SRGAP1: variants seen among roughly 807,000 people sequenced by gnomAD.
SRGAP1 encodes the protein SLIT-ROBO Rho GTPase activating protein 1.
In SRGAP1, 43 loss-of-function variants were observed where a neutral mutation model predicts 121.9. The ratio of observed to expected loss-of-function variants is 0.35; its 90% CI spans 0.28 to 0.46. The LOEUF (loss-of-function observed/expected upper bound fraction) is 0.46, where lower values mean the gene tolerates loss of function less well. Ranked by LOEUF, SRGAP1 falls within the 20% of genes least tolerant of loss-of-function variation. The probability of loss-of-function intolerance (pLI) is 1.00; values close to 1 mark genes in which losing one functional copy is unlikely to be tolerated. For synonymous variants in SRGAP1, 447 were observed against 485.4 expected, an observed-to-expected ratio of 0.92 and a Z score of 1.04; for missense variants, 1,102 against 1,350.9, an observed-to-expected ratio of 0.82 and a Z score of 2.89.
chr12:64,111,907 C>T lies in SRGAP1; in HGVS notation c.2065C>T (p.His689Tyr), dbSNP rs769288257. The stretch of plus-strand genomic sequence containing the variant: ...TGAAATTATCAAAACCATCATCATC[C>T]ACCATGAGACTATTTTCCCAGATGC... ...VNEIIKTIIIHHETIFPDAKE... is the reference protein window; with the variant it reads ...VNEIIKTIIIYHETIFPDAKE... Residue 689 changes from histidine to tyrosine, a missense_variant, in exon 17 of 22, where the codon CAC (histidine) becomes TAC (tyrosine). Physicochemically the swap from His to Tyr is moderately conservative, Grantham distance 83. Coordinates refer to ENST00000355086, the MANE Select transcript of SRGAP1 (RefSeq NM_020762.4). 5 of 1,613,908 alleles carry T rather than the reference C, an allele frequency of 3.1e-6. No homozygotes were observed. The highest frequency in any genetic ancestry group is 2.2e-5 in the South Asian group (2 of 91,070).
chr12:63,872,546 A>G (rs1899889611), intron 1 of SRGAP1, among the ~76,000 whole-genome samples: 1 of 152,062 alleles, frequency 6.6e-6, no homozygotes, highest in African/African-American at 2.4e-5. Context: ...ATGTACTGTG[A>G]CTCCATTATA....
intron 3 of SRGAP1, among the ~76,000 whole-genome samples, chr12:63,997,110 A>C (rs1259113824): frequency 6.6e-6 from 1 of 152,096 alleles, no homozygotes; most frequent in Non-Finnish European, 1.5e-5. Context: ...TGAATTCTGA[A>C]GGCAACTGTA....
chr12:64,043,692 A>G, intron 6 of SRGAP1, 117 bp downstream of exon 6: 1 of 743,118 alleles, frequency 1.3e-6, no homozygotes. Flanking sequence ...AATACTCAAA[A>G]AGAAAAAAAT....
rs1445673716 is a variant in SRGAP1, at chr12:64,145,970, C to T, written c.*3298C>T. ...CCACTGACACAAGAATATGTATTCT[C>T]AGCTGATATAACTGTGTGTTCACAT... On this transcript the variant is annotated 3_prime_UTR_variant, in exon 22 of 22. Coordinates refer to ENST00000355086, the MANE Select transcript of SRGAP1 (RefSeq NM_020762.4). 2 of 152,150 alleles carry T rather than the reference C, an allele frequency of 1.3e-5. No individual in the cohort carries two copies. Among genetic ancestry groups the T allele is most frequent in the Non-Finnish European group, 2.9e-5 (2 of 68,042 alleles). 9.4% of individuals were successfully genotyped at this position (152,150 alleles called of 1,614,324 possible). A position where few individuals can be genotyped will look rare whatever the true frequency, so the allele number is the denominator to read the frequency against.
At chr12:63,949,211 T>A (rs1014064095) in intron 1 of SRGAP1, among the ~76,000 whole-genome samples, 8 of 123,062 alleles carry the variant, frequency 6.5e-5, no homozygotes, top group South Asian at 2.7e-4. Context: ...ATATATATAT[T>A]TTTTCCATAT....
At chr12:64,121,106 T>C (rs2036599936) in intron 18 of SRGAP1, among the ~76,000 whole-genome samples, 1 of 150,426 alleles carries the variant, frequency 6.6e-6, no homozygotes, top group Non-Finnish European at 1.5e-5. Flanking sequence ...CTCAACCTCC[T>C]GGGGCCAAGT....
Position 63,990,088 on chromosome 12 carries a change from C to G in SRGAP1, c.426+16C>G, listed in dbSNP as rs1234902688. ...GTTTAAAAAGGTACACTCCATAAAT[C>G]CTGCCATAGTGTGCTTTCCAATAAC... On this transcript the variant is annotated intron_variant, in intron 3 of 21. Coordinates refer to ENST00000355086, the MANE Select transcript of SRGAP1 (RefSeq NM_020762.4). 6.3e-7 allele frequency: 1 copy of G among 1,581,846 alleles called. No individual in the cohort carries two copies. The highest frequency in any genetic ancestry group is 2.2e-5 in the East Asian group (1 of 44,556).
At chr12:63,883,555 C>T (rs7968348) in intron 1 of SRGAP1, among the ~76,000 whole-genome samples, 196 of 152,214 alleles carry the variant, frequency 1.3e-3, no homozygotes, top group African/African-American at 4.3e-3. Flanking sequence ...CCTCTGGTAC[C>T]GGAATATGTC....
intron 1 of SRGAP1, among the ~76,000 whole-genome samples, chr12:63,867,118 T>G (rs1899665103): frequency 1.3e-5 from 2 of 152,238 alleles, no homozygotes; most frequent in South Asian, 4.1e-4. Context: ...TCCAAAGTTC[T>G]GGGATTACAA....
At chr12:63,956,423 G>A (rs2032471609) in intron 1 of SRGAP1, among the ~76,000 whole-genome samples, 1 of 152,164 alleles carries the variant, frequency 6.6e-6, no homozygotes, top group Non-Finnish European at 1.5e-5. Context: ...TCTGTCAGAT[G>A]CATATTTTCA....
intron 3 of SRGAP1, among the ~76,000 whole-genome samples, chr12:63,990,379 G>A (rs1298564337): frequency 6.6e-6 from 1 of 151,954 alleles, no homozygotes; most frequent in East Asian, 1.9e-4. Context: ...TAAAAACACA[G>A]AAATTAGCTG....
chr12:63,869,325 G>A (rs1389148146), intron 1 of SRGAP1, among the ~76,000 whole-genome samples: 2 of 152,132 alleles, frequency 1.3e-5, no homozygotes, highest in Admixed American at 1.3e-4. Context: ...AACAATAATG[G>A]CATTAATTCA....
At position 64,097,244 on chromosome 12, in the gene SRGAP1, A is replaced by C. The variant is rs754513644; in HGVS notation, c.1682A>C (p.Glu561Ala). 1 of 1,569,164 alleles carries C rather than the reference A, an allele frequency of 6.4e-7. No homozygotes were observed. The highest frequency in any genetic ancestry group is 1.4e-5 in the African/African-American group (1 of 71,370). ...NDIKNSFERG[E>A]NPLADDQSNH... ...TGAGTTTTTTTTTTTTTTTTAGGTG[A>C]AAATCCTTTGGCTGATGACCAGAGT... Residue 561 changes from glutamate to alanine, a missense_variant, in exon 15 of 22, where the codon GAA (glutamate) becomes GCA (alanine). Glu to Ala is a moderately radical substitution (Grantham distance 107). This residue lies in a region of SRGAP1 where 747 missense variants were observed against 929.4 expected (regional missense o/e 0.80). Coordinates refer to ENST00000355086, the MANE Select transcript of SRGAP1 (RefSeq NM_020762.4).
chr12:64,071,414 T>C (rs911174721), intron 8 of SRGAP1, among the ~76,000 whole-genome samples: 2 of 152,238 alleles, frequency 1.3e-5, no homozygotes, highest in East Asian at 1.9e-4. Flanking sequence ...GTTCATTCAG[T>C]GAACTTTTTC....
At chr12:63,920,313 AAT>A (rs1466011565) in intron 1 of SRGAP1, among the ~76,000 whole-genome samples, 2 of 152,162 alleles carry the variant, frequency 1.3e-5, no homozygotes, top group African/African-American at 4.8e-5. Context: ...CCAAACCATG[AAT>A]GACTGATGGG....
intron 1 of SRGAP1, among the ~76,000 whole-genome samples, chr12:63,873,778 C>T (rs925717093): frequency 4.0e-5 from 6 of 150,798 alleles, no homozygotes; most frequent in Non-Finnish European, 8.9e-5. Context: ...AAGTGATTCT[C>T]CTGCCTTAGC....
At chr12:63,965,840 T>C (rs547323554) in intron 1 of SRGAP1, among the ~76,000 whole-genome samples, 9 of 152,138 alleles carry the variant, frequency 5.9e-5, no homozygotes, top group Non-Finnish European at 1.2e-4. Flanking sequence ...TTGTTTGAGA[T>C]GGAGTTTCAC....
In SRGAP1 at chr12:64,144,510, A is replaced by G. The variant is rs1418230519; in HGVS notation, c.*1838A>G. On this transcript the variant is annotated 3_prime_UTR_variant, in exon 22 of 22. Transcript: ENST00000355086. ...CAGGAAGAGATTAAATTGATGAGAT[A>G]TTGTTACTTTCAGAGTCACACTGCT... 3 of 152,178 alleles carry G rather than the reference A, an allele frequency of 2.0e-5. No individual in the cohort carries two copies. The highest frequency in any genetic ancestry group is 2.9e-5 in the Non-Finnish European group (2 of 68,038). 9.4% of individuals were successfully genotyped at this position (152,178 alleles called of 1,614,324 possible).
chr12:64,071,189 G>A (rs2035630237), intron 8 of SRGAP1, among the ~76,000 whole-genome samples: 1 of 152,124 alleles, frequency 6.6e-6, no homozygotes, highest in Non-Finnish European at 1.5e-5. Flanking sequence ...TTTCAAGCAA[G>A]CTTTAACTCA....
Sources: allele counts gnomAD v4.1 joint callset (sites outside exome capture counted in the v4.1 genomes callset), GRCh38; gene constraint gnomAD v4.1.1; regional missense constraint gnomAD v4.1.1; transcripts MANE v1.5; gene names NCBI Gene and HGNC (gene_info 2026-07-23, HGNC 2026-07-21).